Variants in BDP1 observed in about 807,000 individuals in gnomAD.
BDP1 encodes the protein BDP1 general transcription factor IIIB subunit.
BDP1 carries 169 observed loss-of-function variants against 266.6 expected under a neutral mutation model. The observed-to-expected ratio is 0.63, with a 90% CI of 0.56 to 0.72. The LOEUF (loss-of-function observed/expected upper bound fraction) is 0.72. BDP1 is among the 30% of genes least tolerant of loss of function. The probability of loss-of-function intolerance (pLI) is 0.00; values close to 1 mark genes in which losing one functional copy is unlikely to be tolerated. For missense variants in BDP1, 3,015 were observed against 3,053.8 expected, an observed-to-expected ratio of 0.99 and a Z score of 0.30; for synonymous variants, 1,090 against 1,022.4, an observed-to-expected ratio of 1.07 and a Z score of -1.26.
chr5:71,504,852 C>T (rs1247292004), intron 16 of BDP1, 101 bp downstream of exon 16: 2 of 1,083,284 alleles, frequency 1.8e-6, no homozygotes, highest in African/African-American at 1.6e-5. Context: ...GATTTGTTGT[C>T]TGCGTGTCTA....
intron 37 of BDP1, among the ~76,000 whole-genome samples, chr5:71,561,675 C>G (rs1162858708): frequency 6.6e-6 from 1 of 152,116 alleles, no homozygotes; most frequent in Non-Finnish European, 1.5e-5. Flanking sequence ...GCCTGTAGAG[C>G]ATACTGTGCT....
At chr5:71,549,009 T>C (rs934072448) in intron 33 of BDP1, among the ~76,000 whole-genome samples, 5 of 152,050 alleles carry the variant, frequency 3.3e-5, no homozygotes, top group South Asian at 2.1e-4. Context: ...GAGGCGGAGG[T>C]GGGTAGATCA....
intron 34 of BDP1, among the ~76,000 whole-genome samples, chr5:71,550,760 T>G (rs900125464): frequency 6.6e-6 from 1 of 152,164 alleles, no homozygotes; most frequent in South Asian, 2.1e-4. Context: ...AGGTGGAGTG[T>G]AGTGGCGTGA....
chr5:71,494,348 G>C (rs1444396725), intron 11 of BDP1: 1 of 152,250 alleles, frequency 6.6e-6, no homozygotes, highest in African/African-American at 2.4e-5. Context: ...TTTTGTGACA[G>C]AGTCTTGCTC....
At chr5:71,506,462 T>C (rs1372076407) in intron 16 of BDP1, among the ~76,000 whole-genome samples, 3 of 152,006 alleles carry the variant, frequency 2.0e-5, no homozygotes, top group Non-Finnish European at 4.4e-5. Context: ...AGTAGGAAAA[T>C]AGTCTCTCAA....
chr5:71,500,270 ATTTTTTTCTTTACC>A (rs1309488123), intron 13 of BDP1, among the ~76,000 whole-genome samples: 2 of 132,880 alleles, frequency 1.5e-5, no homozygotes, highest in Non-Finnish European at 3.2e-5. Context: ...ATTACTTGTA[ATTTTTTTCTTTACC>A]TTTTTTTCTT....
the BDP1 span, among the ~76,000 whole-genome samples, chr5:71,575,715 A>G: frequency 6.6e-6 from 1 of 152,208 alleles, no homozygotes; most frequent in Non-Finnish European, 1.5e-5. Context: ...TATTAATCAA[A>G]GAGAACCTGT....
chr5:71,532,790 A>G (rs886615154), intron 26 of BDP1, among the ~76,000 whole-genome samples: 1 of 152,228 alleles, frequency 6.6e-6, no homozygotes, highest in Admixed American at 6.5e-5. Flanking sequence ...CTTTATTGAC[A>G]TATAATTTAC....
the BDP1 span, among the ~76,000 whole-genome samples, chr5:71,574,904 G>A: frequency 6.6e-6 from 1 of 152,166 alleles, no homozygotes; most frequent in Non-Finnish European, 1.5e-5. Flanking sequence ...GAAATTTTAT[G>A]GGCTTATGGA....
At chr5:71,525,644 C>T (rs868844458) in intron 25 of BDP1, among the ~76,000 whole-genome samples, 1 of 127,350 alleles carries the variant, frequency 7.9e-6, no homozygotes, top group Non-Finnish European at 1.7e-5. Flanking sequence ...GGGGCTGACC[C>T]CCCCACCTCC....
rs1248983848 is a variant in BDP1, at chr5:71,502,671, A to G, written c.2121A>G (p.Arg707=). The G allele has an allele frequency of 5.0e-6, 8 of 1,614,000 alleles. No homozygotes were observed. The highest frequency in any genetic ancestry group is 6.8e-6 in the Non-Finnish European group (8 of 1,180,018). ...TAAGACCTGTACAAGTGAGGGGCCG[A>G]TTGCAAAAGCCAAAGCCAAATGCAG... ...KALRPVQVRG[R]LQKPKPNAGK... The change falls in exon 15 of 39, where the codon CGA becomes CGG. Residue 707 remains arginine, a synonymous_variant. Transcript: ENST00000358731.
chr5:71,472,194 CTCACGCCTGTAA>C (rs1762291379), intron 7 of BDP1, among the ~76,000 whole-genome samples: 1 of 152,220 alleles, frequency 6.6e-6, no homozygotes, highest in Admixed American at 6.5e-5. Flanking sequence ...GGCATGGTGG[CTCACGCCTGTAA>C]TCCCAGCACT....
intron 19 of BDP1, among the ~76,000 whole-genome samples, chr5:71,514,412 C>T (rs1466949372): frequency 6.6e-6 from 1 of 152,214 alleles, no homozygotes; most frequent in East Asian, 1.9e-4. Flanking sequence ...TATAATGTCA[C>T]GTCCCTTTCC....
intron 16 of BDP1, among the ~76,000 whole-genome samples, chr5:71,506,980 C>T (rs1195759796): frequency 6.6e-6 from 1 of 152,008 alleles, no homozygotes; most frequent in Admixed American, 6.6e-5. Context: ...GCCACCACAT[C>T]TGGCTAATTT....
At chr5:71,562,573 G>A in intron 38 of BDP1, 53 bp downstream of exon 38, 1 of 1,563,010 alleles carries the variant, frequency 6.4e-7, no homozygotes, top group Non-Finnish European at 8.7e-7. Flanking sequence ...TTGGATATGA[G>A]ATTCAACTAG....
chr5:71,492,794 A>G (rs1469713198), intron 11 of BDP1, among the ~76,000 whole-genome samples: 2 of 152,210 alleles, frequency 1.3e-5, no homozygotes, highest in Non-Finnish European at 2.9e-5. Flanking sequence ...TGTCATATCT[A>G]AGAAACTGTT....
intron 3 of BDP1, among the ~76,000 whole-genome samples, chr5:71,462,625 G>A (rs576508632): frequency 1.3e-5 from 2 of 152,058 alleles, no homozygotes; most frequent in South Asian, 2.1e-4. Context: ...ATGGTGGCAT[G>A]TGCCTGTAGT....
In BDP1 at chr5:71,534,578, C is replaced by G. The variant is rs527388253; in HGVS notation, c.5892+2151C>G. Among the ~76,000 whole-genome samples, 30 of 152,238 alleles carry G rather than the reference C, an allele frequency of 2.0e-4. No homozygotes were observed. In the South Asian group the frequency reaches 6.2e-3, roughly 32 times the overall value. On this transcript the variant is annotated intron_variant, in intron 26 of 38. Transcript: ENST00000358731. ...GCAGTGGCATGATCTCAGCTCACTG[C>G]AAGCTCCGCCTCCTGGGTTCACACC...
At chr5:71,509,348 C>G (rs1393255981) in intron 16 of BDP1, 117 bp from the exon 17 acceptor site, 5 of 1,206,714 alleles carry the variant, frequency 4.1e-6, no homozygotes, top group Non-Finnish European at 4.5e-6. Context: ...CTAGGCCTTC[C>G]TTAATTTTTT....
Sources: gnomAD v4.1 joint callset for allele counts (sites outside exome capture counted in the v4.1 genomes callset) on GRCh38, gnomAD v4.1.1 for gene constraint, MANE v1.5 for transcripts, NCBI Gene and HGNC (gene_info 2026-07-23, HGNC 2026-07-21) for gene names.